The following STK39 variants were observed in gnomAD, a reference collection of about 807,000 sequenced individuals.
STK39 encodes serine/threonine kinase 39.
STK39 carries 20 observed loss-of-function variants against 77.8 expected under a neutral mutation model. The ratio of observed to expected loss-of-function variants is 0.26; its 90% CI spans 0.18 to 0.37. STK39 has a LOEUF of 0.37. STK39 is among the 10% of genes least tolerant of loss of function. STK39 has a pLI of 1.00. For synonymous variants in STK39, 246 were observed against 234.1 expected (o/e 1.05, Z -0.47); for missense variants, 479 against 656.5 (o/e 0.73, Z 2.95).
intron 1 of STK39, among the ~76,000 whole-genome samples, chr2:168,233,579 T>C (rs1282197944): frequency 6.6e-6 from 1 of 152,236 alleles, no homozygotes; most frequent in African/African-American, 2.4e-5. Context: ...TAACTTAGGA[T>C]AAACTATTAA....
At chr2:168,018,531 A>AG (rs1165835387) in intron 14 of STK39, among the ~76,000 whole-genome samples, 2 of 86,728 alleles carry the variant, frequency 2.3e-5, no homozygotes, top group African/African-American at 1.5e-4. Flanking sequence ...AAAGAAAGAA[A>AG]AGAAAGAAAA....
chr2:168,223,002 C>T (rs1275237846), intron 1 of STK39, among the ~76,000 whole-genome samples: 1 of 152,146 alleles, frequency 6.6e-6, no homozygotes, highest in African/African-American at 2.4e-5. Context: ...ATGTATTGCA[C>T]ATTCATGATC....
chr2:168,061,762 A>G (rs1413582736), intron 14 of STK39, among the ~76,000 whole-genome samples: 1 of 152,222 alleles, frequency 6.6e-6, no homozygotes, highest in Non-Finnish European at 1.5e-5. Flanking sequence ...AGAGAAGAAC[A>G]TTCCTTGCAA....
At chr2:168,116,026 G>A (rs1687250173) in intron 10 of STK39, among the ~76,000 whole-genome samples, 1 of 152,206 alleles carries the variant, frequency 6.6e-6, no homozygotes, top group South Asian at 2.1e-4. Context: ...GTTACCCCAT[G>A]AGTGGGTCGT....
chr2:168,165,582 CT>C, intron 3 of STK39, among the ~76,000 whole-genome samples: 1 of 152,022 alleles, frequency 6.6e-6, no homozygotes, highest in East Asian at 1.9e-4. Flanking sequence ...TTTTCTTTTC[CT>C]TTTTCTTTTT....
chr2:168,243,065 C>A (rs376594618), intron 1 of STK39, among the ~76,000 whole-genome samples: 1 of 151,978 alleles, frequency 6.6e-6, no homozygotes, highest in Non-Finnish European at 1.5e-5. Context: ...ATCAAAGAAC[C>A]CACTGCAGCA....
chr2:168,192,128 T>G (rs1306496028), intron 1 of STK39, among the ~76,000 whole-genome samples: 1 of 152,138 alleles, frequency 6.6e-6, no homozygotes, highest in Non-Finnish European at 1.5e-5. Context: ...GAAGCTAAGC[T>G]GACAAGAACA....
At chr2:167,964,752 A>G in intron 16 of STK39, 26 bp from the exon 17 acceptor site, 1 of 1,582,256 alleles carries the variant, frequency 6.3e-7, no homozygotes, top group Non-Finnish European at 8.6e-7. Context: ...GTAGAGAGAA[A>G]GTTTCCAGAT....
chr2:168,187,227 T>C (rs1689231520), intron 1 of STK39, among the ~76,000 whole-genome samples: 2 of 152,060 alleles, frequency 1.3e-5, no homozygotes, highest in Admixed American at 1.3e-4. Flanking sequence ...GGTGCATACC[T>C]GTAATCCCAG....
intron 10 of STK39, among the ~76,000 whole-genome samples, chr2:168,098,352 C>A (rs1686729435): frequency 6.6e-6 from 1 of 152,158 alleles, no homozygotes; most frequent in Admixed American, 6.5e-5. Flanking sequence ...GATGAGAAAT[C>A]CGTATCACAA....
intron 1 of STK39, among the ~76,000 whole-genome samples, chr2:168,198,652 G>A (rs1306020569): frequency 6.6e-6 from 1 of 152,206 alleles, no homozygotes; most frequent in African/African-American, 2.4e-5. Context: ...ACCAGAGTGT[G>A]TGCATTTGTC....
intron 12 of STK39, among the ~76,000 whole-genome samples, chr2:168,066,601 A>G (rs1178220505): frequency 1.3e-5 from 2 of 152,240 alleles, no homozygotes; most frequent in African/African-American, 4.8e-5. Context: ...GACTTCCTTT[A>G]GTCAAAGAAC....
At chr2:168,238,709 G>C (rs1476732202) in intron 1 of STK39, among the ~76,000 whole-genome samples, 2 of 152,170 alleles carry the variant, frequency 1.3e-5, no homozygotes, top group Admixed American at 6.5e-5. Context: ...TAGAAATAAA[G>C]TATGCCAATC....
chr2:167,980,353 G>A (rs1346905874), intron 16 of STK39, among the ~76,000 whole-genome samples: 2 of 152,112 alleles, frequency 1.3e-5, no homozygotes, highest in East Asian at 3.8e-4. Flanking sequence ...CAACTTTTTC[G>A]TACCGTCACT....
chr2:168,037,043 TG>T (rs1328521729), intron 14 of STK39, among the ~76,000 whole-genome samples: 1 of 152,210 alleles, frequency 6.6e-6, no homozygotes, highest in Non-Finnish European at 1.5e-5. Context: ...TTACGACTAA[TG>T]AACATTTTGG....
chr2:167,964,524 C>T, intron 17 of STK39, 138 bp downstream of exon 17: 1 of 780,030 alleles, frequency 1.3e-6, no homozygotes, highest in South Asian at 1.7e-5. Flanking sequence ...GAGTCAAATG[C>T]TTCCAAATGC....
chr2:168,109,572 T>G (rs953687551), intron 10 of STK39, among the ~76,000 whole-genome samples: 2 of 152,202 alleles, frequency 1.3e-5, no homozygotes, highest in African/African-American at 4.8e-5. Flanking sequence ...ATATGGATTC[T>G]CGAAGCGTAA....
chr2:168,057,079 A>G (rs1685545617), intron 14 of STK39, among the ~76,000 whole-genome samples: 1 of 152,240 alleles, frequency 6.6e-6, no homozygotes, highest in Non-Finnish European at 1.5e-5. Flanking sequence ...CACCTTGCAC[A>G]CAAGAGATCA....
chr2:168,223,086 T>A (rs1481669345), intron 1 of STK39, among the ~76,000 whole-genome samples: 1 of 152,180 alleles, frequency 6.6e-6, no homozygotes, highest in African/African-American at 2.4e-5. Context: ...CAAAACACAC[T>A]GAGCCAAGTA....
Sources: gnomAD v4.1 joint callset for allele counts (sites outside exome capture counted in the v4.1 genomes callset) on GRCh38, gnomAD v4.1.1 for gene constraint, MANE v1.5 for transcripts, NCBI Gene and HGNC (gene_info 2026-07-23, HGNC 2026-07-21) for gene names.